Variants in CADPS observed in about 807,000 individuals in gnomAD.
CADPS encodes calcium dependent secretion activator.
A neutral mutation model predicts 167.3 loss-of-function variants in CADPS; 57 were observed. The observed-to-expected ratio is 0.34, with a 90% CI of 0.28 to 0.42. The LOEUF is 0.42. Among genes scored for constraint, CADPS ranks in the 20% least tolerant of loss-of-function variants. The pLI, the probability that CADPS is intolerant of heterozygous loss-of-function variation, is 1.00. For synonymous variants in CADPS, 676 were observed against 635.3 expected (o/e 1.06, Z -0.96); for missense variants, 1,414 against 1,738.1 (o/e 0.81, Z 3.32).
intron 8 of CADPS, among the ~76,000 whole-genome samples, chr3:62,574,997 G>C (rs2082005344): frequency 6.6e-6 from 1 of 152,208 alleles, no homozygotes; most frequent in Admixed American, 6.5e-5. Context: ...AATTCAGGAA[G>C]TGGGCAAGAA....
At chr3:62,766,190 T>C (rs2086812031) in intron 1 of CADPS, among the ~76,000 whole-genome samples, 2 of 152,144 alleles carry the variant, frequency 1.3e-5, no homozygotes, top group African/African-American at 4.8e-5. Context: ...ATAAATTATA[T>C]TAAAAACAAA....
chr3:62,536,994 C>T (rs1024325323), intron 11 of CADPS, among the ~76,000 whole-genome samples: 1 of 152,108 alleles, frequency 6.6e-6, no homozygotes, highest in Non-Finnish European at 1.5e-5. Flanking sequence ...AGCAATTTCT[C>T]TGCAATTATT....
At chr3:62,853,636 A>AAG (rs1553771042) in intron 1 of CADPS, among the ~76,000 whole-genome samples, 2 of 143,634 alleles carry the variant, frequency 1.4e-5, no homozygotes, top group African/African-American at 5.8e-5. Flanking sequence ...AAAAAAAAAA[A>AAG]AAAGAAAAGA....
chr3:62,520,038 C>A (rs1435718023), intron 13 of CADPS, among the ~76,000 whole-genome samples: 3 of 152,096 alleles, frequency 2.0e-5, no homozygotes, highest in African/African-American at 7.2e-5. Context: ...AAAAATGGAG[C>A]AATTTAAAGC....
At chr3:62,720,975 G>A (rs184116996) in intron 3 of CADPS, among the ~76,000 whole-genome samples, 2 of 151,500 alleles carry the variant, frequency 1.3e-5, no homozygotes, top group East Asian at 2.0e-4. Flanking sequence ...CCACCACCAC[G>A]CCCGGCTAAT....
chr3:62,742,505 C>T (rs512937), intron 3 of CADPS, among the ~76,000 whole-genome samples: 47,054 of 151,858 alleles, frequency 0.31, 7,586 homozygotes, highest in South Asian at 0.45. Flanking sequence ...TCCACAAACC[C>T]GACAAAAAGA....
At chr3:62,666,796 C>T (rs147332305) in intron 3 of CADPS, among the ~76,000 whole-genome samples, 8 of 152,210 alleles carry the variant, frequency 5.3e-5, no homozygotes, top group Non-Finnish European at 1.2e-4. Flanking sequence ...GTACTCTTTC[C>T]GTCAATGCAG....
chr3:62,800,640 T>C (rs903362336), intron 1 of CADPS, among the ~76,000 whole-genome samples: 1 of 152,170 alleles, frequency 6.6e-6, no homozygotes, highest in Non-Finnish European at 1.5e-5. Context: ...TGTTCATTTA[T>C]TTCTGCTGGG....
At chr3:62,754,045 G>A (rs2083302743) in intron 2 of CADPS, among the ~76,000 whole-genome samples, 3 of 152,212 alleles carry the variant, frequency 2.0e-5, no homozygotes, top group Admixed American at 1.3e-4. Flanking sequence ...ATGAGAGGCA[G>A]CACATGGTAT....
At chr3:62,739,385 T>C (rs2079698143) in intron 3 of CADPS, among the ~76,000 whole-genome samples, 1 of 152,236 alleles carries the variant, frequency 6.6e-6, no homozygotes, top group Admixed American at 6.5e-5. Flanking sequence ...CCAGCTCATG[T>C]ATAGGCTTGT....
At chr3:62,706,608 G>C (rs2082349056) in intron 3 of CADPS, among the ~76,000 whole-genome samples, 1 of 152,110 alleles carries the variant, frequency 6.6e-6, no homozygotes. Context: ...TCTGTTCTGG[G>C]CCTCTCCCTA....
chr3:62,800,772 T>G (rs963113469), intron 1 of CADPS, among the ~76,000 whole-genome samples: 2 of 152,154 alleles, frequency 1.3e-5, no homozygotes, highest in Non-Finnish European at 2.9e-5. Context: ...TTTAGTTAAA[T>G]GGTTTGGAAT....
At chr3:62,504,673 T>C (rs956462327) in intron 17 of CADPS, among the ~76,000 whole-genome samples, 2 of 152,132 alleles carry the variant, frequency 1.3e-5, no homozygotes, top group Non-Finnish European at 2.9e-5. Context: ...TTTTTTTTCC[T>C]CAAAGAGCAA....
At chr3:62,459,039 A>G (rs964644505) in intron 26 of CADPS, among the ~76,000 whole-genome samples, 8 of 152,226 alleles carry the variant, frequency 5.3e-5, no homozygotes, top group African/African-American at 1.9e-4. Flanking sequence ...AGTAGGCAAT[A>G]AAATGATCTG....
chr3:62,467,261 G>A, intron 24 of CADPS: 2 of 1,150,622 alleles, frequency 1.7e-6, no homozygotes, highest in Middle Eastern at 2.3e-4. Context: ...AAATAACAAT[G>A]CAAGACATTG....
At chr3:62,787,081 C>T (rs1576403993) in intron 1 of CADPS, among the ~76,000 whole-genome samples, 2 of 151,802 alleles carry the variant, frequency 1.3e-5, no homozygotes. Flanking sequence ...ATCGCTTGAT[C>T]TCCGGAGTTA....
chr3:62,661,456 A>G (rs1408007276), intron 4 of CADPS, among the ~76,000 whole-genome samples: 1 of 152,134 alleles, frequency 6.6e-6, no homozygotes, highest in South Asian at 2.1e-4. Context: ...AGGGCCTGGT[A>G]TATTTGGAGG....
At chr3:62,409,144 A>T (rs2048462622) in intron 28 of CADPS, among the ~76,000 whole-genome samples, 1 of 152,260 alleles carries the variant, frequency 6.6e-6, no homozygotes, top group Non-Finnish European at 1.5e-5. Context: ...AGAAAAGGGC[A>T]TAGATAGGTT....
chr3:62,638,542 C>G (rs2066786571), intron 6 of CADPS, among the ~76,000 whole-genome samples: 1 of 152,118 alleles, frequency 6.6e-6, no homozygotes, highest in Non-Finnish European at 1.5e-5. Flanking sequence ...AAATGACCTA[C>G]AGTCACTTAG....
Sources: allele counts gnomAD v4.1 joint callset (sites outside exome capture counted in the v4.1 genomes callset), GRCh38; gene constraint gnomAD v4.1.1; transcripts MANE v1.5; gene names NCBI Gene and HGNC (gene_info 2026-07-23, HGNC 2026-07-21).